SUGCT: variants seen among roughly 807,000 people sequenced by gnomAD.
SUGCT encodes the protein succinyl-CoA:glutarate CoA-transferase.
A neutral mutation model predicts 55.0 loss-of-function variants in SUGCT; 41 were observed. That is an observed-to-expected ratio of 0.74 (90% CI 0.58 to 0.97). The LOEUF (loss-of-function observed/expected upper bound fraction) is 0.97. Ranked by LOEUF, SUGCT falls within the 50% of genes least tolerant of loss-of-function variation. SUGCT has a pLI of 0.00. For missense variants in SUGCT, 568 were observed against 547.8 expected, an observed-to-expected ratio of 1.04 and a Z score of -0.37; for synonymous variants, 187 against 200.4, an observed-to-expected ratio of 0.93 and a Z score of 0.56.
At chr7:40,442,636 T>C (rs1021216315) in intron 9 of SUGCT, among the ~76,000 whole-genome samples, 23 of 152,126 alleles carry the variant, frequency 1.5e-4, no homozygotes, top group Admixed American at 1.5e-3. Context: ...ATACTTTACC[T>C]GGGAGTTGGG....
the SUGCT span, among the ~76,000 whole-genome samples, chr7:40,874,970 T>A: frequency 8.5e-5 from 13 of 152,382 alleles, no homozygotes; most frequent in African/African-American, 2.6e-4. Context: ...AGATCCCATA[T>A]GCCACTCTGC....
intron 12 of SUGCT, among the ~76,000 whole-genome samples, chr7:40,591,712 G>A (rs930791746): frequency 3.9e-5 from 6 of 152,178 alleles, no homozygotes; most frequent in African/African-American, 1.2e-4. Flanking sequence ...GCTTTGATCA[G>A]TCAGCAGCCA....
chr7:40,287,181 G>C (rs1224710834), intron 8 of SUGCT, among the ~76,000 whole-genome samples: 1 of 152,098 alleles, frequency 6.6e-6, no homozygotes, highest in Non-Finnish European at 1.5e-5. Flanking sequence ...AACTTAATGT[G>C]ATCATATATT....
chr7:41,026,155 G>A, the SUGCT span, among the ~76,000 whole-genome samples: 2 of 152,164 alleles, frequency 1.3e-5, no homozygotes, highest in Non-Finnish European at 2.9e-5. Flanking sequence ...ATGGGCCTGC[G>A]ACCTGCGTAG....
At chr7:40,903,332 C>CT in the SUGCT span, among the ~76,000 whole-genome samples, 23 of 152,262 alleles carry the variant, frequency 1.5e-4, no homozygotes, top group Non-Finnish European at 2.9e-4. Context: ...AGGATCCCCA[C>CT]TTACATCAGC....
chr7:40,833,996 A>G (rs888720906), intron 13 of SUGCT, among the ~76,000 whole-genome samples: 29 of 152,206 alleles, frequency 1.9e-4, no homozygotes, highest in Non-Finnish European at 2.9e-4. Flanking sequence ...TGGGGTGCCA[A>G]TACTTCAAGT....
the SUGCT span, among the ~76,000 whole-genome samples, chr7:41,027,424 C>T: frequency 6.6e-6 from 1 of 152,148 alleles, no homozygotes. Flanking sequence ...AATGGTAAAT[C>T]CCTCAATGAC....
At chr7:40,984,143 A>G in the SUGCT span, among the ~76,000 whole-genome samples, 3 of 152,142 alleles carry the variant, frequency 2.0e-5, no homozygotes, top group Admixed American at 1.3e-4. Context: ...CTGTAATGAA[A>G]GGTGGGCCTT....
chr7:40,542,070 T>C (rs1794718322), intron 12 of SUGCT, among the ~76,000 whole-genome samples: 1 of 152,172 alleles, frequency 6.6e-6, no homozygotes, highest in South Asian at 2.1e-4. Flanking sequence ...GCAAGGATCA[T>C]TTAAAAGAGA....
chr7:40,774,593 C>A (rs553788849), intron 13 of SUGCT, among the ~76,000 whole-genome samples: 15 of 152,036 alleles, frequency 9.9e-5, no homozygotes, highest in Non-Finnish European at 1.9e-4. Context: ...CACTGTCTTG[C>A]CGAAATGCAG....
chr7:40,665,433 A>AAATG (rs1801570059), intron 12 of SUGCT, among the ~76,000 whole-genome samples: 1 of 42,234 alleles, frequency 2.4e-5, no homozygotes, highest in East Asian at 9.5e-4. Context: ...CTATCTCAAA[A>AAATG]AATAAATAAA....
the SUGCT span, among the ~76,000 whole-genome samples, chr7:40,977,208 G>A: frequency 5.9e-5 from 9 of 152,192 alleles, no homozygotes; most frequent in South Asian, 2.1e-4. Context: ...ATCCTCTGGC[G>A]GCTGCTGGGA....
chr7:40,993,825 C>A, the SUGCT span, among the ~76,000 whole-genome samples: 1 of 152,142 alleles, frequency 6.6e-6, no homozygotes, highest in Non-Finnish European at 1.5e-5. Flanking sequence ...AACTTTTTAA[C>A]CTGTAAAGTG....
rs113008306 is a variant in SUGCT at position 40,167,407 on chromosome 7, A to C, written c.101-13540A>C. The stretch of plus-strand genomic sequence containing the variant: ...CAGGTGGAAAGTTTTAGGTGCTAGA[A>C]AGTTCTCTTTCTTGATTGTGGAGGT... On this transcript the variant is annotated intron_variant, in intron 1 of 13. Transcript: ENST00000335693. Among the ~76,000 whole-genome samples the C allele has an allele frequency of 9.3e-3, 1,409 of 152,244 alleles. 19 individuals carry two copies. The highest frequency in any genetic ancestry group is 0.02 in the Middle Eastern group (6 of 294).
At chr7:40,885,317 C>A in the SUGCT span, among the ~76,000 whole-genome samples, 1 of 152,110 alleles carries the variant, frequency 6.6e-6, no homozygotes, top group South Asian at 2.1e-4. Context: ...CTACTGCCTC[C>A]TCAAAAGTAT....
intron 13 of SUGCT, among the ~76,000 whole-genome samples, chr7:40,792,956 G>A (rs1426880320): frequency 6.6e-6 from 1 of 152,124 alleles, no homozygotes; most frequent in African/African-American, 2.4e-5. Flanking sequence ...ATCAGGCACA[G>A]TCCAGCTATT....
the SUGCT span, among the ~76,000 whole-genome samples, chr7:40,910,169 T>C: frequency 3.3e-5 from 5 of 151,762 alleles, no homozygotes; most frequent in Admixed American, 3.3e-4. Flanking sequence ...CAAAGAAGGA[T>C]TCTCTGAAGG....
At chr7:41,021,175 GC>G in the SUGCT span, among the ~76,000 whole-genome samples, 4 of 152,124 alleles carry the variant, frequency 2.6e-5, no homozygotes, top group African/African-American at 9.7e-5. Flanking sequence ...TGAAACTCTG[GC>G]CTGCCACAGG....
At chr7:40,179,008 C>G (rs924566561) in intron 1 of SUGCT, among the ~76,000 whole-genome samples, 1 of 151,768 alleles carries the variant, frequency 6.6e-6, no homozygotes, top group South Asian at 2.1e-4. Flanking sequence ...ATTTTTCCTT[C>G]TATCATATTT....
Sources: allele counts gnomAD v4.1 joint callset (sites outside exome capture counted in the v4.1 genomes callset), GRCh38; gene constraint gnomAD v4.1.1; transcripts MANE v1.5; gene names NCBI Gene and HGNC (gene_info 2026-07-23, HGNC 2026-07-21).